Variants in ADAM23 observed in about 807,000 individuals in gnomAD.
The protein encoded by ADAM23 is ADAM metallopeptidase domain 23.
ADAM23 carries 33 observed loss-of-function variants against 120.1 expected under a neutral mutation model. That is an observed-to-expected ratio of 0.27 (90% CI 0.21 to 0.37). The LOEUF (loss-of-function observed/expected upper bound fraction) is 0.37. ADAM23 is among the 10% of genes least tolerant of loss of function. The probability of loss-of-function intolerance (pLI) is 1.00; values close to 1 mark genes in which losing one functional copy is unlikely to be tolerated. For synonymous variants in ADAM23, 367 were observed against 375.2 expected (o/e 0.98, Z 0.25); for missense variants, 862 against 1,058.2 (o/e 0.81, Z 2.57).
chr2:206,595,958 G>A (rs1698516420), intron 23 of ADAM23, 93 bp from the exon 24 acceptor site: 1 of 966,852 alleles, frequency 1.0e-6, no homozygotes, highest in Non-Finnish European at 1.5e-6. Context: ...AGCTTTTAAA[G>A]CTTCCTCCCT....
chr2:206,530,859 A>G (rs1413219267), intron 3 of ADAM23, 26 bp from the exon 4 acceptor site: 3 of 1,606,302 alleles, frequency 1.9e-6, no homozygotes, highest in Non-Finnish European at 1.7e-6. Flanking sequence ...AGATGCAGAA[A>G]TCACTCTATT....
Position 206,481,159 on chromosome 2 carries a change from A to C in ADAM23, c.433-73A>C. On this transcript the variant is annotated intron_variant, in intron 2 of 25. Transcript: ENST00000264377. ...TACATAAAAGTTATTCGTCTTAAAT[A>C]TCATTCTTGATAATAATCTGTCTTA... is the stretch of plus-strand genomic sequence containing the variant. 7.6e-6 allele frequency: 9 copies of C among 1,187,504 alleles called. No individual in the cohort carries two copies. The South Asian group carries it at 1.3e-4, about 17-fold the overall frequency. The allele number at this position is 1,187,504 out of a possible 1,614,324, so 73.6% of individuals were successfully genotyped here.
intron 20 of ADAM23, 80 bp downstream of exon 20, chr2:206,588,234 G>C: frequency 7.0e-7 from 1 of 1,423,846 alleles, no homozygotes; most frequent in Non-Finnish European, 9.8e-7. Context: ...CTTGCTGAGA[G>C]AGATGCACAG....
At chr2:206,482,534 A>C (rs898924915) in intron 3 of ADAM23, among the ~76,000 whole-genome samples, 1 of 152,200 alleles carries the variant, frequency 6.6e-6, no homozygotes, top group Non-Finnish European at 1.5e-5. Context: ...CAGCCATAGC[A>C]GAGCCTCCCA....
intron 18 of ADAM23, among the ~76,000 whole-genome samples, chr2:206,585,916 C>G (rs770840767): frequency 8.5e-5 from 13 of 152,124 alleles, no homozygotes; most frequent in Admixed American, 8.5e-4. Context: ...TGGCACAGCC[C>G]CAGAGAGTGC....
At chr2:206,456,663 CAGTG>C (rs1423300153) in intron 2 of ADAM23, among the ~76,000 whole-genome samples, 1 of 152,094 alleles carries the variant, frequency 6.6e-6, no homozygotes, top group Non-Finnish European at 1.5e-5. Flanking sequence ...ATCTGCATGA[CAGTG>C]AGGGAGTCAT....
At chr2:206,534,574 A>G (rs1028365176) in intron 4 of ADAM23, among the ~76,000 whole-genome samples, 2 of 152,066 alleles carry the variant, frequency 1.3e-5, no homozygotes, top group Non-Finnish European at 2.9e-5. Context: ...TGATGAGCCT[A>G]TTTAAATAAG....
intron 18 of ADAM23, among the ~76,000 whole-genome samples, chr2:206,581,078 G>T (rs769319189): frequency 2.6e-5 from 4 of 152,072 alleles, no homozygotes; most frequent in Admixed American, 6.5e-5. Context: ...TCATTTCTTA[G>T]TGAGGTTTTT....
At chr2:206,551,760 T>C (rs920019969) in intron 9 of ADAM23, among the ~76,000 whole-genome samples, 1 of 152,226 alleles carries the variant, frequency 6.6e-6, no homozygotes, top group African/African-American at 2.4e-5. Context: ...CTTTAATGGA[T>C]GTTTTCCATT....
intron 5 of ADAM23, among the ~76,000 whole-genome samples, chr2:206,542,730 G>T (rs969996539): frequency 1.3e-5 from 2 of 152,156 alleles, no homozygotes; most frequent in African/African-American, 2.4e-5. Context: ...AAAATTAAAT[G>T]TAATTTGTAT....
At chr2:206,591,542 C>T (rs2105848598) in intron 21 of ADAM23, among the ~76,000 whole-genome samples, 1 of 152,200 alleles carries the variant, frequency 6.6e-6, no homozygotes, top group East Asian at 1.9e-4. Context: ...TTTAGTTCTC[C>T]ATTCTGTGTT....
chr2:206,530,513 T>C (rs1697030616), intron 3 of ADAM23, among the ~76,000 whole-genome samples: 1 of 151,274 alleles, frequency 6.6e-6, no homozygotes, highest in Non-Finnish European at 1.5e-5. Context: ...AGATCCTGAA[T>C]AATGTGAATA....
At chr2:206,476,894 A>T (rs1305594612) in intron 2 of ADAM23, among the ~76,000 whole-genome samples, 1 of 152,186 alleles carries the variant, frequency 6.6e-6, no homozygotes, top group African/African-American at 2.4e-5. Flanking sequence ...TACAGAACTC[A>T]CAAATTCTTG....
intron 2 of ADAM23, among the ~76,000 whole-genome samples, chr2:206,476,301 G>A (rs1019497830): frequency 1.3e-5 from 2 of 152,150 alleles, no homozygotes; most frequent in African/African-American, 4.8e-5. Context: ...TATATCTTAA[G>A]ATCAGGAAAC....
chr2:206,564,199 T>A (rs1481513418), intron 13 of ADAM23, among the ~76,000 whole-genome samples: 1 of 152,088 alleles, frequency 6.6e-6, no homozygotes, highest in East Asian at 1.9e-4. Flanking sequence ...TACGTTGATA[T>A]ATATTGCTCT....
intron 24 of ADAM23, among the ~76,000 whole-genome samples, chr2:206,598,789 A>G (rs1037931117): frequency 2.0e-5 from 3 of 151,824 alleles, no homozygotes; most frequent in Non-Finnish European, 1.5e-5. Context: ...AATCCCAGCT[A>G]CTTGGGAGGC....
chr2:206,569,057 A>G (rs914851360), intron 15 of ADAM23, among the ~76,000 whole-genome samples: 5 of 152,258 alleles, frequency 3.3e-5, no homozygotes, highest in Non-Finnish European at 7.3e-5. Context: ...AAAGTGTTCA[A>G]AATGGGTGAA....
chr2:206,533,064 G>T (rs1467680868), intron 4 of ADAM23, among the ~76,000 whole-genome samples: 1 of 152,014 alleles, frequency 6.6e-6, no homozygotes, highest in Non-Finnish European at 1.5e-5. Flanking sequence ...TAAACTTCAT[G>T]AAGATTGTCT....
chr2:206,590,184 A>C (rs985955621), intron 21 of ADAM23, among the ~76,000 whole-genome samples: 1 of 151,210 alleles, frequency 6.6e-6, no homozygotes, highest in African/African-American at 2.4e-5. Flanking sequence ...TGCGACCTCC[A>C]CCTCCTGGGT....
Sources: allele counts gnomAD v4.1 joint callset (sites outside exome capture counted in the v4.1 genomes callset), GRCh38; gene constraint gnomAD v4.1.1; transcripts MANE v1.5; gene names NCBI Gene and HGNC (gene_info 2026-07-23, HGNC 2026-07-21).